The following THADA variants were observed in gnomAD, a reference collection of about 807,000 sequenced individuals.
THADA encodes the protein tRNA (32-2'-O)-methyltransferase regulator THADA.
A neutral mutation model predicts 219.8 loss-of-function variants in THADA; 213 were observed. The ratio of observed to expected loss-of-function variants is 0.97; its 90% CI spans 0.87 to 1.09. The LOEUF is 1.09. Among genes scored for constraint, THADA ranks in the 50% least tolerant of loss-of-function variants. The probability of loss-of-function intolerance (pLI) is 0.00; values close to 1 mark genes in which losing one functional copy is unlikely to be tolerated. For synonymous variants in THADA, 1,018 were observed against 828.9 expected (o/e 1.23, Z -3.92); for missense variants, 2,956 against 2,311.3 (o/e 1.28, Z -5.72).
chr2:43,484,169 C>T (rs1202292604), intron 26 of THADA: 1 of 155,908 alleles, frequency 6.4e-6, no homozygotes, highest in East Asian at 1.9e-4. Context: ...CAGTTACCTT[C>T]CTTTTAAATA....
intron 16 of THADA, 138 bp from the exon 17 acceptor site, chr2:43,556,693 TGGA>T (rs1261784601): frequency 6.8e-6 from 5 of 738,188 alleles, no homozygotes; most frequent in Non-Finnish European, 1.1e-5. Context: ...AAGAGGCTGA[TGGA>T]GGAGGATTAC....
At chr2:43,294,917 G>A (rs563057743) in intron 31 of THADA, among the ~76,000 whole-genome samples, 105 of 152,254 alleles carry the variant, frequency 6.9e-4, no homozygotes, top group Non-Finnish European at 1.4e-3. Context: ...GGAGTCTCGG[G>A]TACCTCCCAG....
intron 36 of THADA, among the ~76,000 whole-genome samples, chr2:43,259,611 G>C (rs1670711958): frequency 6.6e-6 from 1 of 152,196 alleles, no homozygotes. Context: ...GTTCTGTTCT[G>C]ACTTGCTTTT....
chr2:43,505,867 G>T (rs1689607612), intron 23 of THADA, 132 bp from the exon 24 acceptor site: 4 of 669,698 alleles, frequency 6.0e-6, no homozygotes, highest in Admixed American at 2.7e-5. Context: ...AGTTAATTAA[G>T]CCATGTGGCC....
chr2:43,540,865 T>A (rs913049029), intron 21 of THADA, among the ~76,000 whole-genome samples: 4 of 152,196 alleles, frequency 2.6e-5, no homozygotes, highest in Non-Finnish European at 5.9e-5. Flanking sequence ...AGCTAAAGTT[T>A]AAGTCTGTGT....
chr2:43,361,233 C>A (rs1415744563), intron 29 of THADA, among the ~76,000 whole-genome samples: 1 of 152,138 alleles, frequency 6.6e-6, no homozygotes, highest in African/African-American at 2.4e-5. Flanking sequence ...TAGCTGGTAG[C>A]CTTAGAAAAT....
intron 31 of THADA, among the ~76,000 whole-genome samples, chr2:43,315,505 C>G (rs1677977012): frequency 6.6e-6 from 1 of 151,968 alleles, no homozygotes; most frequent in Non-Finnish European, 1.5e-5. Context: ...CTCTGTCACC[C>G]AGGTTGGACT....
intron 29 of THADA, among the ~76,000 whole-genome samples, chr2:43,349,214 G>A (rs971497399): frequency 1.3e-5 from 2 of 152,150 alleles, no homozygotes; most frequent in African/African-American, 4.8e-5. Flanking sequence ...TGAGTAGGCT[G>A]ATTTCTTGCC....
At chr2:43,522,435 G>C (rs947008618) in intron 22 of THADA, among the ~76,000 whole-genome samples, 1 of 152,196 alleles carries the variant, frequency 6.6e-6, no homozygotes, top group Non-Finnish European at 1.5e-5. Context: ...GGGCCATGGG[G>C]AGAAGGACAA....
intron 30 of THADA, among the ~76,000 whole-genome samples, chr2:43,331,112 C>A (rs1573101514): frequency 6.6e-6 from 1 of 152,310 alleles, no homozygotes; most frequent in East Asian, 1.9e-4. Context: ...ATATTGAAAC[C>A]ATCTCTACTA....
chr2:43,343,674 C>G (rs1338601417), intron 30 of THADA: 4 of 152,854 alleles, frequency 2.6e-5, no homozygotes, highest in African/African-American at 7.2e-5. Flanking sequence ...TTACTACCCA[C>G]CTAAGAAAGG....
intron 26 of THADA, among the ~76,000 whole-genome samples, chr2:43,483,229 C>T (rs2105006019): frequency 6.6e-6 from 1 of 152,264 alleles, no homozygotes; most frequent in African/African-American, 2.4e-5. Context: ...TATTACTAGC[C>T]TTCTTAAAGT....
chr2:43,290,100 G>A (rs1299347402), intron 34 of THADA, among the ~76,000 whole-genome samples: 2 of 150,762 alleles, frequency 1.3e-5, no homozygotes, highest in African/African-American at 4.9e-5. Flanking sequence ...AGCCTCCCGA[G>A]TAGCTGGGAT....
intron 31 of THADA, among the ~76,000 whole-genome samples, chr2:43,309,143 A>G (rs527801610): frequency 1.4e-4 from 22 of 152,352 alleles, no homozygotes; most frequent in African/African-American, 5.3e-4. Context: ...TTTAAAAAGC[A>G]ATGTATAAAA....
chr2:43,453,745 G>A (rs1682645760), intron 26 of THADA, among the ~76,000 whole-genome samples: 1 of 152,176 alleles, frequency 6.6e-6, no homozygotes, highest in Admixed American at 6.5e-5. Context: ...CACAGAGTCA[G>A]ACTTTCAACA....
rs1418437603 is a variant in THADA at position 43,582,389 on chromosome 2, CAG to C, written c.534-463_534-462del. 4.0e-5 allele frequency among the ~76,000 whole-genome samples: 6 copies of C among 151,500 alleles called. No individual in the cohort carries two copies. In the East Asian group the frequency reaches 1.0e-3, roughly 25 times the overall value. ...GCACATGCCCGTAATCCCAGCTACT[CAG>C]GGGGCTGAGGCAGGAGAATCGCTTG... On this transcript the variant is annotated intron_variant, in intron 7 of 37. Transcript: ENST00000405975.
At chr2:43,445,845 G>A (rs146745662) in intron 26 of THADA, among the ~76,000 whole-genome samples, 2,081 of 152,222 alleles carry the variant, frequency 0.014, 40 homozygotes, top group Middle Eastern at 0.044. Flanking sequence ...GTCTAATGAC[G>A]TGTTGTTTTT....
chr2:43,535,629 C>T lies in THADA; in HGVS notation c.3264+5530G>A, dbSNP rs1242198603. ...CCAGGAGGCAGAGGTTCATCTAAACCCGAGACAGCGCCACTGCACTCAAGC... is the reference window on the plus strand; with the variant it reads ...CCAGGAGGCAGAGGTTCATCTAAACTCGAGACAGCGCCACTGCACTCAAGC... On this transcript the variant is annotated intron_variant, in intron 21 of 37. Transcript: ENST00000405975. Among the ~76,000 whole-genome samples the T allele has an allele frequency of 2.1e-5, 3 of 141,104 alleles. No homozygotes were observed. In the Admixed American group the frequency reaches 2.2e-4, roughly 10 times the overall value. 92.6% of individuals were successfully genotyped at this position (141,104 alleles called of 152,430 possible).
At chr2:43,234,873 A>G (rs1667848713) in intron 36 of THADA, among the ~76,000 whole-genome samples, 1 of 152,080 alleles carries the variant, frequency 6.6e-6, no homozygotes, top group African/African-American at 2.4e-5. Context: ...GGGTTTCACC[A>G]TGTTGGCCCG....
Sources: gnomAD v4.1 joint callset for allele counts (sites outside exome capture counted in the v4.1 genomes callset) on GRCh38, gnomAD v4.1.1 for gene constraint, MANE v1.5 for transcripts, NCBI Gene and HGNC (gene_info 2026-07-23, HGNC 2026-07-21) for gene names.